The following CAPZA1 variants were observed in gnomAD, a reference collection of about 807,000 sequenced individuals.
CAPZA1 encodes the protein capping actin protein of muscle Z-line subunit alpha 1.
In CAPZA1, 10 loss-of-function variants were observed where a neutral mutation model predicts 40.8. The observed-to-expected ratio is 0.25, with a 90% confidence interval of 0.15 to 0.42. The LOEUF (loss-of-function observed/expected upper bound fraction) is 0.42. Ranked by LOEUF, CAPZA1 falls within the 10% of genes least tolerant of loss-of-function variation. The pLI, the probability that CAPZA1 is intolerant of heterozygous loss-of-function variation, is 1.00. For missense variants in CAPZA1, 277 were observed against 353.8 expected (o/e 0.78, Z 1.74); for synonymous variants, 98 against 115.0 (o/e 0.85, Z 0.95).
At chr1:112,639,719 T>G in intron 1 of CAPZA1, among the ~76,000 whole-genome samples, 1 of 151,780 alleles carries the variant, frequency 6.6e-6, no homozygotes. Context: ...AATTAAAGGA[T>G]GAGGGATGTT....
chr1:112,650,537 A>G (rs1671365925), intron 3 of CAPZA1, among the ~76,000 whole-genome samples: 1 of 152,218 alleles, frequency 6.6e-6, no homozygotes, highest in Non-Finnish European at 1.5e-5. Context: ...ACTCCTCTCT[A>G]CTTTCTTTCA....
intron 5 of CAPZA1, among the ~76,000 whole-genome samples, chr1:112,655,028 A>T (rs1671469766): frequency 6.6e-6 from 1 of 151,742 alleles, no homozygotes; most frequent in African/African-American, 2.4e-5. Context: ...TTTTACCCAG[A>T]TCTAAAAGGT....
rs115677917 is a variant in CAPZA1 at position 112,624,858 on chromosome 1, A to G, written c.39+4975A>G. Among the ~76,000 whole-genome samples the G allele has an allele frequency of 9.1e-4, 139 of 152,298 alleles. 1 individual carries two copies. The highest frequency in any genetic ancestry group is 3.2e-3 in the African/African-American group (133 of 41,560). The stretch of plus-strand genomic sequence containing the variant: ...CTAATGAAAAATCTCTACTTTAAAA[A>G]TTGAAACACAAAAATGTTCTGGGAG... On this transcript the variant is annotated intron_variant, in intron 1 of 9. Transcript: ENST00000263168.
chr1:112,642,682 C>G (rs1051604809), intron 1 of CAPZA1, among the ~76,000 whole-genome samples: 2 of 152,074 alleles, frequency 1.3e-5, no homozygotes, highest in African/African-American at 4.8e-5. Flanking sequence ...ACTTCTCTTC[C>G]TAGTTTGCCG....
intron 5 of CAPZA1, among the ~76,000 whole-genome samples, chr1:112,656,853 G>C (rs1019353395): frequency 6.6e-6 from 1 of 151,414 alleles, no homozygotes; most frequent in African/African-American, 2.4e-5. Flanking sequence ...ATTGTCCTCT[G>C]ACAGGCATCT....
At chr1:112,640,623 A>G (rs1671134868) in intron 1 of CAPZA1, among the ~76,000 whole-genome samples, 2 of 149,478 alleles carry the variant, frequency 1.3e-5, no homozygotes, top group Non-Finnish European at 3.0e-5. Flanking sequence ...CCGCCCGGCC[A>G]GCCGCCCCAT....
intron 1 of CAPZA1, among the ~76,000 whole-genome samples, chr1:112,627,068 A>G (rs1670821671): frequency 6.6e-6 from 1 of 152,216 alleles, no homozygotes; most frequent in Non-Finnish European, 1.5e-5. Flanking sequence ...ACTTATGCCC[A>G]TTTTACAGTA....
Position 112,659,669 on chromosome 1 carries a change from A to G in CAPZA1, c.507-32A>G, listed in dbSNP as rs764172411. 5 of 1,574,242 alleles carry G rather than the reference A, an allele frequency of 3.2e-6. 1 individual carries two copies. In the South Asian group the frequency reaches 4.5e-5, roughly 14 times the overall value. ...TCACCTCTTTCTTGTGCTTATTGCTAATTCTGCAATGTTGTGTGTGTGTTT... is the reference window on the plus strand; with the variant it reads ...TCACCTCTTTCTTGTGCTTATTGCTGATTCTGCAATGTTGTGTGTGTGTTT... On this transcript the variant is annotated intron_variant, in intron 6 of 9. Coordinates refer to ENST00000263168, the MANE Select transcript of CAPZA1 (RefSeq NM_006135.3).
intron 1 of CAPZA1, among the ~76,000 whole-genome samples, chr1:112,644,263 T>C (rs1372016611): frequency 2.8e-5 from 4 of 144,912 alleles, no homozygotes; most frequent in African/African-American, 1.0e-4. Context: ...CAATCTTGGT[T>C]CACTGCAACC....
chr1:112,628,209 C>A (rs942479029), intron 1 of CAPZA1, among the ~76,000 whole-genome samples: 23 of 152,122 alleles, frequency 1.5e-4, no homozygotes, highest in African/African-American at 5.3e-4. Context: ...TATATTGAAT[C>A]AGAATTTTTT....
intron 7 of CAPZA1, among the ~76,000 whole-genome samples, chr1:112,662,395 CTTTTTTTTTTT>C (rs35100851): frequency 1.0e-5 from 1 of 97,260 alleles, no homozygotes; most frequent in Non-Finnish European, 1.9e-5. Context: ...TAGAATTTTT[CTTTTTTTTTTT>C]TTTTTTTTTT....
At chr1:112,638,343 C>G (rs1039029652) in intron 1 of CAPZA1, among the ~76,000 whole-genome samples, 1 of 152,076 alleles carries the variant, frequency 6.6e-6, no homozygotes, top group Non-Finnish European at 1.5e-5. Flanking sequence ...GAGACAGAGT[C>G]TCACTCTGTC....
intron 1 of CAPZA1, among the ~76,000 whole-genome samples, chr1:112,641,339 AT>A (rs1055080976): frequency 1.3e-5 from 2 of 151,898 alleles, no homozygotes; most frequent in East Asian, 1.9e-4. Flanking sequence ...AAAGAAAACA[AT>A]TTTTTTTGTA....
At chr1:112,653,520 T>C in intron 3 of CAPZA1, 78 bp from the exon 4 acceptor site, 1 of 938,200 alleles carries the variant, frequency 1.1e-6, no homozygotes, top group Admixed American at 2.3e-5. Flanking sequence ...GAACCACCTT[T>C]TGTGTTTATT....
intron 4 of CAPZA1, 102 bp downstream of exon 4, chr1:112,653,763 TTAGTTTTTA>T (rs1671446412): frequency 3.8e-6 from 3 of 796,922 alleles, no homozygotes; most frequent in East Asian, 2.5e-5. Context: ...TAAATTTGTC[TTAGTTTTTA>T]TAGTTTTTGT....
Position 112,655,572 on chromosome 1 carries a change from T to C in CAPZA1, c.426+901T>C, listed in dbSNP as rs114443956. On this transcript the variant is annotated intron_variant, in intron 5 of 9. Coordinates refer to ENST00000263168, the MANE Select transcript of CAPZA1 (RefSeq NM_006135.3). ...TTTTGCTGTTGTTGTTGTTGTTCTT[T>C]TGTTTTTTGAGACTAAGTCTTACTC... 5.6e-3 allele frequency among the ~76,000 whole-genome samples: 860 copies of C among 152,228 alleles called. 5 individuals carry two copies. Among genetic ancestry groups the C allele is most frequent in the African/African-American group, 0.019 (775 of 41,558 alleles).
chr1:112,667,768 G>A (rs1671750578), intron 8 of CAPZA1, among the ~76,000 whole-genome samples: 1 of 152,060 alleles, frequency 6.6e-6, no homozygotes, highest in Non-Finnish European at 1.5e-5. Flanking sequence ...CTAGACTGAA[G>A]TGATCCCCCT....
intron 7 of CAPZA1, among the ~76,000 whole-genome samples, chr1:112,660,976 G>A (rs1671595744): frequency 6.7e-6 from 1 of 150,266 alleles, no homozygotes; most frequent in African/African-American, 2.5e-5. Context: ...TCTTGCCTCA[G>A]CCTCCCAAGT....
intron 7 of CAPZA1, among the ~76,000 whole-genome samples, chr1:112,665,787 T>A (rs1004297439): frequency 6.6e-6 from 1 of 152,280 alleles, no homozygotes; most frequent in East Asian, 1.9e-4. Context: ...AGGCCCCTCC[T>A]CTTAATATTA....
Sources: allele counts gnomAD v4.1 joint callset (sites outside exome capture counted in the v4.1 genomes callset), GRCh38; gene constraint gnomAD v4.1.1; transcripts MANE v1.5; gene names NCBI Gene and HGNC (gene_info 2026-07-23, HGNC 2026-07-21).